The following CAPRIN1 variants were observed in gnomAD, a reference collection of about 807,000 sequenced individuals.
The protein encoded by CAPRIN1 is caprin-1.
In CAPRIN1, 29 loss-of-function variants were observed where a neutral mutation model predicts 100.9. That is an observed-to-expected ratio of 0.29 (90% CI 0.21 to 0.39). The LOEUF is 0.39. Among genes scored for constraint, CAPRIN1 ranks in the 10% least tolerant of loss-of-function variants. CAPRIN1 has a pLI of 1.00. For missense variants in CAPRIN1, 795 were observed against 876.7 expected, an observed-to-expected ratio of 0.91 and a Z score of 1.18; for synonymous variants, 338 against 307.5, an observed-to-expected ratio of 1.10 and a Z score of -1.04.
chr11:34,099,936 C>T lies in CAPRIN1; in HGVS notation c.*569C>T, dbSNP rs2134142029. The T allele has an allele frequency of 6.5e-6, 1 of 153,200 alleles. No homozygotes were observed. The highest frequency in any genetic ancestry group is 2.4e-5 in the African/African-American group (1 of 41,572). The allele number at this position is 153,200 out of a possible 1,614,324, so 9.5% of individuals were successfully genotyped here. A position where few individuals can be genotyped will look rare whatever the true frequency, so the allele number is the denominator to read the frequency against. On this transcript the variant is annotated 3_prime_UTR_variant, in exon 19 of 19. Coordinates refer to ENST00000341394, the MANE Select transcript of CAPRIN1 (RefSeq NM_005898.5). ...ATATAAGGCTGGCTACCAGCTTTGA[C>T]ACAGCACTGTTCATCTGGCCAAACA...
chr11:34,078,940 A>T (rs2134113947), intron 6 of CAPRIN1, among the ~76,000 whole-genome samples: 1 of 152,270 alleles, frequency 6.6e-6, no homozygotes, highest in African/African-American at 2.4e-5. Context: ...TGTATTTGAT[A>T]CCACTTCTGT....
At chr11:34,094,651 G>A (rs1851332779) in intron 15 of CAPRIN1, among the ~76,000 whole-genome samples, 1 of 151,994 alleles carries the variant, frequency 6.6e-6, no homozygotes, top group Admixed American at 6.6e-5. Context: ...ACAGAAATTA[G>A]CAGGGTGAGG....
intron 2 of CAPRIN1, 21 bp from the exon 3 acceptor site, chr11:34,071,705 C>CT (rs751029247): frequency 2.3e-5 from 36 of 1,574,180 alleles, no homozygotes; most frequent in East Asian, 4.5e-5. Flanking sequence ...GAATGTAATT[C>CT]TTTTTTTTCT....
intron 2 of CAPRIN1, among the ~76,000 whole-genome samples, chr11:34,060,591 A>G (rs181303328): frequency 5.9e-5 from 9 of 152,338 alleles, no homozygotes; most frequent in African/African-American, 2.2e-4. Context: ...TTTGAGTTAC[A>G]TTGAACTTCT....
intron 2 of CAPRIN1, among the ~76,000 whole-genome samples, chr11:34,069,183 G>A (rs1166018241): frequency 7.2e-6 from 1 of 138,636 alleles, no homozygotes; most frequent in Non-Finnish European, 1.5e-5. Context: ...ATGGAGTCTC[G>A]CTTTGTCCCA....
chr11:34,071,846 T>A (rs906772109), intron 3 of CAPRIN1, 55 bp from the exon 4 acceptor site: 3 of 1,585,484 alleles, frequency 1.9e-6, no homozygotes, highest in Non-Finnish European at 2.6e-6. Context: ...AAGACAAAAA[T>A]TAATTCTGTG....
chr11:34,082,901 C>G, intron 8 of CAPRIN1, 24 bp downstream of exon 8: 1 of 1,612,990 alleles, frequency 6.2e-7, no homozygotes, highest in Non-Finnish European at 8.5e-7. Flanking sequence ...TTAATGCTGC[C>G]TTTACTTTGC....
intron 9 of CAPRIN1, among the ~76,000 whole-genome samples, chr11:34,083,465 G>A (rs1335160342): frequency 1.3e-5 from 2 of 152,122 alleles, no homozygotes; most frequent in East Asian, 3.9e-4. Flanking sequence ...TGATAATGAT[G>A]ATTTTTTTCG....
At chr11:34,060,050 G>T (rs1850542586) in intron 2 of CAPRIN1, among the ~76,000 whole-genome samples, 1 of 151,464 alleles carries the variant, frequency 6.6e-6, no homozygotes, top group African/African-American at 2.4e-5. Context: ...TGAAAAATTA[G>T]CTGGGCATGG....
Position 34,090,192 on chromosome 11 carries a change from C to T in CAPRIN1, c.1307C>T (p.Ser436Leu), listed in dbSNP as rs746140652. The change falls in exon 13 of 19, where the codon TCA (serine) becomes TTA (leucine). Residue 436 changes from serine to leucine, a missense_variant. This residue lies in a region of CAPRIN1 where 648 missense variants were observed against 697.9 expected (regional missense o/e 0.93). Coordinates refer to ENST00000341394, the MANE Select transcript of CAPRIN1 (RefSeq NM_005898.5). ...QPEATQVPLV[S>L]STSEGYTASQ... is the part of the protein sequence containing the mutation. ...ACTTATGTCTAGGTTCCTTTGGTAT[C>T]ATCCACAAGTGAGGGGTACACAGCA... The T allele has an allele frequency of 1.2e-6, 2 of 1,609,188 alleles. No homozygotes were observed. The highest frequency in any genetic ancestry group is 1.1e-5 in the South Asian group (1 of 90,814).
At chr11:34,066,701 G>C (rs930655232) in intron 2 of CAPRIN1, among the ~76,000 whole-genome samples, 9 of 148,476 alleles carry the variant, frequency 6.1e-5, no homozygotes, top group Non-Finnish European at 1.0e-4. Flanking sequence ...TGCAGTGGCA[G>C]TGGCATGATC....
intron 4 of CAPRIN1, among the ~76,000 whole-genome samples, chr11:34,074,836 C>G (rs1159914614): frequency 4.6e-5 from 7 of 152,184 alleles, no homozygotes; most frequent in Admixed American, 4.6e-4. Flanking sequence ...GATCGTGCCA[C>G]TGCACTCCTG....
intron 15 of CAPRIN1, among the ~76,000 whole-genome samples, chr11:34,094,827 ATAAAGATCACAC>A (rs1190133425): frequency 7.9e-4 from 121 of 152,302 alleles, no homozygotes; most frequent in African/African-American, 2.9e-3. Context: ...ATTAAATAAA[ATAAAGATCACAC>A]TTAAGTTATT....
At position 34,086,358 on chromosome 11, in the gene CAPRIN1, A is replaced by G; in HGVS notation, c.1176A>G (p.Ala392=). ...CACTTGATCCTGCCATTGTATCTGC[A>G]CAGCCTATGAATCCAACACAAAACA... ...NQTLDPAIVS[A]QPMNPTQNMD... The change falls in exon 11 of 19, where the codon GCA becomes GCG. Residue 392 remains alanine (A), a synonymous_variant. Coordinates refer to ENST00000341394, the MANE Select transcript of CAPRIN1 (RefSeq NM_005898.5). The G allele has an allele frequency of 6.2e-7, 1 of 1,614,094 alleles. No homozygotes were observed. Among genetic ancestry groups the G allele is most frequent in the Non-Finnish European group, 8.5e-7 (1 of 1,179,958 alleles).
intron 15 of CAPRIN1, among the ~76,000 whole-genome samples, chr11:34,094,749 A>G (rs1262169172): frequency 6.6e-6 from 1 of 152,238 alleles, no homozygotes; most frequent in Non-Finnish European, 1.5e-5. Context: ...GTGAGCCAAG[A>G]TTATTTGACT....
At chr11:34,077,030 C>T (rs897793742) in intron 6 of CAPRIN1, among the ~76,000 whole-genome samples, 1 of 152,196 alleles carries the variant, frequency 6.6e-6, no homozygotes, top group African/African-American at 2.4e-5. Context: ...CCACTGCGCC[C>T]AGCTAGTTTT....
At chr11:34,076,523 A>G in intron 5 of CAPRIN1, 37 bp from the exon 6 acceptor site, 1 of 1,606,980 alleles carries the variant, frequency 6.2e-7, no homozygotes, top group African/African-American at 1.3e-5. Context: ...TAAGTTGACA[A>G]CTGAAAGGTT....
chr11:34,061,200 CTTTTTTTTTT>C (rs770158492), intron 2 of CAPRIN1, among the ~76,000 whole-genome samples: 3 of 102,830 alleles, frequency 2.9e-5, no homozygotes, highest in East Asian at 2.8e-4. Context: ...AGGTAACATC[CTTTTTTTTTT>C]TTTTTTTTTT....
intron 11 of CAPRIN1, among the ~76,000 whole-genome samples, chr11:34,088,638 A>T (rs940114141): frequency 6.6e-5 from 10 of 152,162 alleles, no homozygotes; most frequent in Non-Finnish European, 1.0e-4. Context: ...GCGCCACTGC[A>T]CTCCAGCCTG....
Sources: gnomAD v4.1 joint callset for allele counts (sites outside exome capture counted in the v4.1 genomes callset) on GRCh38, gnomAD v4.1.1 for gene constraint, gnomAD v4.1.1 regional missense constraint, MANE v1.5 for transcripts, NCBI Gene and HGNC (gene_info 2026-07-23, HGNC 2026-07-21) for gene names.